SLC5A10: variants seen among roughly 807,000 people sequenced by gnomAD.
SLC5A10 encodes the protein sodium/mannose cotransporter SLC5A10.
In SLC5A10, 55 loss-of-function variants were observed where a neutral mutation model predicts 68.9. The observed-to-expected ratio is 0.80, with a 90% CI of 0.64 to 1.00. SLC5A10 has a LOEUF of 1.00. Among genes scored for constraint, SLC5A10 ranks in the 50% least tolerant of loss-of-function variants. The probability of loss-of-function intolerance (pLI) is 0.00; values close to 1 mark genes in which losing one functional copy is unlikely to be tolerated. For synonymous variants in SLC5A10, 344 were observed against 344.8 expected (o/e 1.00, Z 0.02); for missense variants, 732 against 819.3 (o/e 0.89, Z 1.30).
intron 9 of SLC5A10, among the ~76,000 whole-genome samples, chr17:19,010,038 G>A (rs1327265430): frequency 3.3e-5 from 5 of 152,022 alleles, no homozygotes; most frequent in African/African-American, 4.8e-5. Context: ...CAAGGAGAGG[G>A]TGGCCGAGCG....
At chr17:18,987,247 C>A (rs991963514) in intron 9 of SLC5A10, among the ~76,000 whole-genome samples, 1 of 152,182 alleles carries the variant, frequency 6.6e-6, no homozygotes, top group African/African-American at 2.4e-5. Context: ...GCCTCTACCC[C>A]ACTATCTTTA....
intron 2 of SLC5A10, 149 bp downstream of exon 2, chr17:18,958,902 G>A: frequency 4.3e-6 from 4 of 929,228 alleles, no homozygotes; most frequent in Non-Finnish European, 4.9e-6. Context: ...GAGGGGCATA[G>A]GGCTGAGCTG....
At chr17:18,977,772 G>A (rs771103367) in intron 9 of SLC5A10, 3 of 1,602,834 alleles carry the variant, frequency 1.9e-6, no homozygotes, top group Non-Finnish European at 1.7e-6. Context: ...TCTGAGTGGC[G>A]CCTCCGGAGA....
intron 9 of SLC5A10, among the ~76,000 whole-genome samples, chr17:18,986,745 G>T (rs578146129): frequency 3.9e-5 from 6 of 152,254 alleles, no homozygotes. Flanking sequence ...GCGTCTGCAC[G>T]CTGGGGGAAG....
At chr17:18,953,571 TCTG>T (rs1172034606) in intron 1 of SLC5A10, 2 of 152,584 alleles carry the variant, frequency 1.3e-5, no homozygotes, top group Non-Finnish European at 2.9e-5. Flanking sequence ...TGGGGTGAGG[TCTG>T]CTATCAAGGG....
chr17:19,021,598 T>G lies in SLC5A10; in HGVS notation c.*1167T>G, dbSNP rs1040930456. The G allele has an allele frequency of 2.6e-6, 1 of 384,724 alleles. No individual in the cohort carries two copies. The highest frequency in any genetic ancestry group is 2.1e-5 in the African/African-American group (1 of 48,434). The allele number at this position is 384,724 out of a possible 1,614,324, so 23.8% of individuals were successfully genotyped here. A position where few individuals can be genotyped will look rare whatever the true frequency, so the allele number is the denominator to read the frequency against. On this transcript the variant is annotated 3_prime_UTR_variant, in exon 15 of 15. Coordinates refer to ENST00000395645, the MANE Select transcript of SLC5A10 (RefSeq NM_001042450.4). The surrounding 1 kb of genome is among the most constrained non-coding windows in gnomAD (Gnocchi z 4.1). ...ACCCACCCACCATGGCCAGGGTTCC[T>G]TAGGTTGAGCCTCCAGTGGGTGAAA...
intron 9 of SLC5A10, among the ~76,000 whole-genome samples, chr17:18,987,153 C>A (rs761515279): frequency 6.6e-6 from 1 of 152,198 alleles, no homozygotes; most frequent in Non-Finnish European, 1.5e-5. Context: ...ACTGGCGGTG[C>A]CCCTTCTCCT....
intron 1 of SLC5A10, among the ~76,000 whole-genome samples, chr17:18,956,508 G>A (rs1322763588): frequency 9.4e-6 from 1 of 106,218 alleles, no homozygotes; most frequent in Non-Finnish European, 1.7e-5. Context: ...ACAGAGTCTT[G>A]CTCTGCAGCC....
At position 19,003,405 on chromosome 17, in the gene SLC5A10, A is replaced by C; in HGVS notation, c.983-10005A>C. ...CCAAGAGGCAGCCAGGGAAAACAGCAGAGATCCCTAGAAGCCCATGTTGGG... is the reference window on the plus strand; with the variant it reads ...CCAAGAGGCAGCCAGGGAAAACAGCCGAGATCCCTAGAAGCCCATGTTGGG... On this transcript the variant is annotated intron_variant, in intron 9 of 14. Coordinates refer to ENST00000395645, the MANE Select transcript of SLC5A10 (RefSeq NM_001042450.4). The surrounding 1 kb of genome is among the most constrained non-coding windows in gnomAD (Gnocchi z 4.5). 8 of 1,132,420 alleles carry C rather than the reference A, an allele frequency of 7.1e-6. No homozygotes were observed. The highest frequency in any genetic ancestry group is 8.2e-6 in the Non-Finnish European group (7 of 850,912). 70.1% of individuals were successfully genotyped at this position (1,132,420 alleles called of 1,614,324 possible).
At chr17:19,015,326 A>G in intron 11 of SLC5A10, 127 bp downstream of exon 11, 1 of 665,484 alleles carries the variant, frequency 1.5e-6, no homozygotes, top group Non-Finnish European at 2.5e-6. Flanking sequence ...AGGGAAGAGA[A>G]GGGCCAGTGT....
chr17:18,995,914 A>C (rs1398950311), intron 9 of SLC5A10, among the ~76,000 whole-genome samples: 1 of 150,560 alleles, frequency 6.6e-6, no homozygotes, highest in Non-Finnish European at 1.5e-5. Flanking sequence ...TCTCAATTAA[A>C]AAAAAAAAAA....
chr17:18,979,636 A>T (rs1285692612), intron 9 of SLC5A10: 1 of 1,613,568 alleles, frequency 6.2e-7, no homozygotes, highest in African/African-American at 1.3e-5. Context: ...CGACCGCGTG[A>T]AGAACTCAGT....
intron 1 of SLC5A10, among the ~76,000 whole-genome samples, 176 bp from the exon 2 acceptor site, chr17:18,958,506 G>C (rs754344933): frequency 5.3e-5 from 8 of 152,194 alleles, no homozygotes; most frequent in Admixed American, 1.3e-4. Context: ...TCGTGTACAA[G>C]TTTCTGAGTG....
chr17:18,978,887 A>G, intron 9 of SLC5A10: 3 of 1,601,806 alleles, frequency 1.9e-6, no homozygotes, highest in Non-Finnish European at 2.6e-6. Flanking sequence ...CAGGCACATG[A>G]CCCTGCTTCC....
Position 19,004,187 on chromosome 17 carries a change from T to G in SLC5A10, c.983-9223T>G, listed in dbSNP as rs1056362845. The stretch of plus-strand genomic sequence containing the variant: ...TGAGCAATCTGCGGGAAAGACCTGA[T>G]GAGCCCGGCTCGGCGGGGAGGGCGG... On this transcript the variant is annotated intron_variant, in intron 9 of 14. Coordinates refer to ENST00000395645, the MANE Select transcript of SLC5A10 (RefSeq NM_001042450.4). The surrounding 1 kb of genome is among the most constrained non-coding windows in gnomAD (Gnocchi z 5.4). 9.7e-6 allele frequency: 5 copies of G among 518,124 alleles called. No individual in the cohort carries two copies. The highest frequency in any genetic ancestry group is 2.7e-5 in the South Asian group (1 of 37,172). 32.1% of individuals were successfully genotyped at this position (518,124 alleles called of 1,614,324 possible). A position where few individuals can be genotyped will look rare whatever the true frequency, so the allele number is the denominator to read the frequency against.
intron 8 of SLC5A10, among the ~76,000 whole-genome samples, chr17:18,973,502 C>T (rs534678752): frequency 1.3e-5 from 2 of 152,284 alleles, no homozygotes; most frequent in Admixed American, 1.3e-4. Context: ...CTGGTGGATG[C>T]GGGGCCTCGG....
upstream of SLC5A10, among the ~76,000 whole-genome samples, chr17:18,951,437 G>A (rs11651570): frequency 0.013 from 123 of 9,314 alleles, no homozygotes; most frequent in South Asian, 0.072. Context: ...GATCATGTGC[G>A]GAACAGCCAC....
chr17:19,020,066 T>A (rs1458684607), intron 13 of SLC5A10, 89 bp from the exon 14 acceptor site: 1 of 1,463,100 alleles, frequency 6.8e-7, no homozygotes, highest in African/African-American at 1.4e-5. Context: ...TCAGCTGCCA[T>A]CTTGCCATCC....
chr17:19,007,587 T>A (rs997187826), intron 9 of SLC5A10, among the ~76,000 whole-genome samples: 1 of 152,146 alleles, frequency 6.6e-6, no homozygotes, highest in Non-Finnish European at 1.5e-5. Context: ...TTATTTTTAG[T>A]AGAATCATGG....
Sources: allele counts gnomAD v4.1 joint callset (sites outside exome capture counted in the v4.1 genomes callset), GRCh38; gene constraint gnomAD v4.1.1; non-coding constraint Gnocchi (gnomAD v3.1); transcripts MANE v1.5; gene names NCBI Gene and HGNC (gene_info 2026-07-23, HGNC 2026-07-21).